DLG5: variants seen among roughly 807,000 people sequenced by gnomAD.
The protein encoded by DLG5 is disks large homolog 5.
In DLG5, 48 loss-of-function variants were observed where a neutral mutation model predicts 189.8. That is an observed-to-expected ratio of 0.25 (90% confidence interval 0.20 to 0.32). The LOEUF is 0.32. DLG5 is among the 10% of genes least tolerant of loss of function. The pLI is 1.00. For synonymous variants in DLG5, 1,016 were observed against 1,054.1 expected (o/e 0.96, Z 0.70); for missense variants, 2,160 against 2,544.7 (o/e 0.85, Z 3.25).
At position 77,812,212 on chromosome 10, in the gene DLG5, C is replaced by T. The variant is rs1040726417; in HGVS notation, c.4188+3G>A. On this transcript the variant is annotated splice_donor_region_variant and intron_variant, in intron 21 of 31. Transcript: ENST00000372391. ...GCCATGCAGGAGGGCAGCTCCCTCTCACCTCCAGTAACTGATCCCCATACT... is the reference window on the plus strand; with the variant it reads ...GCCATGCAGGAGGGCAGCTCCCTCTTACCTCCAGTAACTGATCCCCATACT... 8 of 1,611,148 alleles carry T rather than the reference C, an allele frequency of 5.0e-6. No individual in the cohort carries two copies. The highest frequency in any genetic ancestry group is 6.8e-6 in the Non-Finnish European group (8 of 1,177,740).
intron 1 of DLG5, among the ~76,000 whole-genome samples, chr10:77,916,178 C>T (rs919030616): frequency 2.6e-5 from 4 of 152,106 alleles, no homozygotes; most frequent in African/African-American, 9.7e-5. Flanking sequence ...CATGATCATG[C>T]CACTGCACTC....
intron 1 of DLG5, among the ~76,000 whole-genome samples, chr10:77,876,392 T>TTTTTC (rs1290219135): frequency 7.6e-6 from 1 of 131,484 alleles, no homozygotes. Context: ...TTTTTTTTTT[T>TTTTTC]GAAAGAGAGT....
intron 9 of DLG5, among the ~76,000 whole-genome samples, chr10:77,831,163 G>A (rs1272516615): frequency 6.6e-6 from 1 of 152,084 alleles, no homozygotes; most frequent in Non-Finnish European, 1.5e-5. Flanking sequence ...CCAGCACTTT[G>A]GGAGGCCGAG....
chr10:77,909,953 C>T (rs531803359), intron 1 of DLG5, among the ~76,000 whole-genome samples: 2 of 152,268 alleles, frequency 1.3e-5, no homozygotes, highest in African/African-American at 4.8e-5. Flanking sequence ...CCTGCCTGAA[C>T]TCTGCCCTGT....
the DLG5 span, among the ~76,000 whole-genome samples, chr10:77,938,304 G>A: frequency 3.3e-5 from 5 of 152,078 alleles, no homozygotes; most frequent in South Asian, 2.1e-4. Flanking sequence ...AAATTTTGCC[G>A]GGCATGGTCC....
intron 2 of DLG5, chr10:77,868,919 T>G (rs112752962): frequency 1.2e-5 from 7 of 567,302 alleles, no homozygotes; most frequent in African/African-American, 9.7e-5. Flanking sequence ...GCAAAACATG[T>G]GCTTCCCAGC....
the DLG5 span, among the ~76,000 whole-genome samples, chr10:77,935,626 C>T: frequency 6.6e-6 from 1 of 152,214 alleles, no homozygotes; most frequent in Non-Finnish European, 1.5e-5. Flanking sequence ...CCAACAAGAG[C>T]ATGTGTACAT....
At chr10:77,808,677 C>T (rs1054081767) in intron 24 of DLG5, among the ~76,000 whole-genome samples, 4 of 152,174 alleles carry the variant, frequency 2.6e-5, no homozygotes, top group Non-Finnish European at 4.4e-5. Context: ...CACCTGAGGG[C>T]GAGCACCCCC....
At position 77,843,660 on chromosome 10, in the gene DLG5, T is replaced by A. The variant is rs771929256; in HGVS notation, c.911A>T (p.Asp304Val). The A allele has an allele frequency of 1.9e-6, 3 of 1,614,070 alleles. No homozygotes were observed. The South Asian group carries it at 3.3e-5, about 18-fold the overall frequency. ...GSSEILNKLY[D>V]TAMDKLEVVK... is the part of the protein sequence containing the mutation. Reference sequence around the variant, plus strand: ...CACCTCCAACTTGTCCATGGCCGTGTCATACAGTTTGTTGAGAATCTCGGA... The same window carrying A: ...CACCTCCAACTTGTCCATGGCCGTGACATACAGTTTGTTGAGAATCTCGGA... Residue 304 changes from aspartate to valine, a missense_variant, in exon 6 of 32, where the codon GAC becomes GTC. Transcript: ENST00000372391.
chr10:77,908,239 T>G (rs1413883469), intron 1 of DLG5, among the ~76,000 whole-genome samples: 1 of 151,994 alleles, frequency 6.6e-6, no homozygotes, highest in East Asian at 1.9e-4. Flanking sequence ...ACTCTCAGAG[T>G]TGAAACTGGG....
chr10:77,920,825 A>G (rs1308014087), intron 1 of DLG5, among the ~76,000 whole-genome samples: 1 of 152,234 alleles, frequency 6.6e-6, no homozygotes, highest in Non-Finnish European at 1.5e-5. Flanking sequence ...CAAGAGGTCA[A>G]ACGTCCCAAA....
chr10:77,938,955 G>A, the DLG5 span, among the ~76,000 whole-genome samples: 1 of 152,300 alleles, frequency 6.6e-6, no homozygotes, highest in South Asian at 2.1e-4. Context: ...TTGGAAGGTG[G>A]GCGGATCTCC....
chr10:77,873,520 G>A (rs1844987347), intron 1 of DLG5, among the ~76,000 whole-genome samples: 1 of 152,002 alleles, frequency 6.6e-6, no homozygotes, highest in South Asian at 2.1e-4. Context: ...AGTGCCACTG[G>A]GTCACGAAGA....
chr10:77,915,008 G>A (rs1365415802), intron 1 of DLG5, among the ~76,000 whole-genome samples: 2 of 152,138 alleles, frequency 1.3e-5, no homozygotes, highest in Non-Finnish European at 2.9e-5. Flanking sequence ...AGAATCACAT[G>A]TGACTATTTC....
intron 27 of DLG5, among the ~76,000 whole-genome samples, chr10:77,800,095 G>T (rs538092656): frequency 6.6e-6 from 1 of 152,130 alleles, no homozygotes; most frequent in African/African-American, 2.4e-5. Flanking sequence ...TCAGCAGGGT[G>T]GGGGGTACCA....
rs745416537 is a variant in DLG5 at position 77,807,845 on chromosome 10, C to T, written c.4747G>A (p.Glu1583Lys). 2 of 1,614,198 alleles carry T rather than the reference C, an allele frequency of 1.2e-6. No individual in the cohort carries two copies. Among genetic ancestry groups the T allele is most frequent in the African/African-American group, 1.3e-5 (1 of 75,046 alleles). Residue 1583 changes from glutamate to lysine, a missense_variant, in exon 25 of 32, where the codon GAG (glutamate) becomes AAG (lysine). This residue lies in a region of DLG5 where 574 missense variants were observed against 644.2 expected (regional missense o/e 0.89). Transcript: ENST00000372391. ...AGGCCCTTGGCCTTCGTGAACTCCTCAGGGCGGTACTGCACCTTCAGGCGG... is the reference window on the plus strand; with the variant it reads ...AGGCCCTTGGCCTTCGTGAACTCCTTAGGGCGGTACTGCACCTTCAGGCGG... ...GVRLKVQYRPEEFTKAKGLPG... is the reference protein window; with the variant it reads ...GVRLKVQYRPKEFTKAKGLPG...
Position 77,806,741 on chromosome 10 carries a change from G to T in DLG5, c.4967+17C>A. On this transcript the variant is annotated intron_variant, in intron 26 of 31. Transcript: ENST00000372391. ...CGACCCCTGCCCCACCCCACCCCAG[G>T]CCCGGAGAACACTTACACATATTTG... 8.8e-7 allele frequency: 1 copy of T among 1,131,044 alleles called. No individual in the cohort carries two copies. The highest frequency in any genetic ancestry group is 1.2e-5 in the South Asian group (1 of 82,044). 70.1% of individuals were successfully genotyped at this position (1,131,044 alleles called of 1,614,324 possible).
At chr10:77,902,390 C>T (rs1261842691) in intron 1 of DLG5, among the ~76,000 whole-genome samples, 2 of 152,204 alleles carry the variant, frequency 1.3e-5, no homozygotes, top group Non-Finnish European at 2.9e-5. Flanking sequence ...TTTGACCCAA[C>T]AGCACCACTT....
At chr10:77,831,717 C>T (rs1027285727) in intron 9 of DLG5, among the ~76,000 whole-genome samples, 3 of 152,196 alleles carry the variant, frequency 2.0e-5, no homozygotes, top group Admixed American at 6.5e-5. Context: ...GATGCTGGAG[C>T]GACTGCACAT....
Sources: allele counts gnomAD v4.1 joint callset (sites outside exome capture counted in the v4.1 genomes callset), GRCh38; gene constraint gnomAD v4.1.1; regional missense constraint gnomAD v4.1.1; transcripts MANE v1.5; gene names NCBI Gene and HGNC (gene_info 2026-07-23, HGNC 2026-07-21).